The following PDE4D variants were observed in gnomAD, a reference collection of about 807,000 sequenced individuals.
The protein encoded by PDE4D is 3',5'-cyclic-AMP phosphodiesterase 4D.
In PDE4D, 24 loss-of-function variants were observed where a neutral mutation model predicts 87.4. That is an observed-to-expected ratio of 0.27 (90% CI 0.20 to 0.39). The LOEUF (loss-of-function observed/expected upper bound fraction) is 0.39, where lower values mean the gene tolerates loss of function less well. Among genes scored for constraint, PDE4D ranks in the 10% least tolerant of loss-of-function variants. PDE4D has a pLI of 1.00. For missense variants in PDE4D, 714 were observed against 1,041.0 expected, an observed-to-expected ratio of 0.69 and a Z score of 4.32; for synonymous variants, 384 against 383.2, an observed-to-expected ratio of 1.00 and a Z score of -0.02.
At chr5:59,079,869 G>GGAGAGGAGAGGAGGGGAGAT (rs1766403532) in intron 5 of PDE4D, among the ~76,000 whole-genome samples, 1 of 144,994 alleles carries the variant, frequency 6.9e-6, no homozygotes, top group Admixed American at 6.9e-5. Context: ...GGAGAGGAGA[G>GGAGAGGAGAGGAGGGGAGAT]GAGAGGAGAG....
intron 1 of PDE4D, among the ~76,000 whole-genome samples, chr5:59,879,089 A>G (rs1478020581): frequency 6.6e-6 from 1 of 151,098 alleles, no homozygotes; most frequent in Non-Finnish European, 1.5e-5. Context: ...TTTAGTAGAG[A>G]CGGGGTTTCA....
intron 3 of PDE4D, among the ~76,000 whole-genome samples, chr5:59,192,808 G>C (rs1424332317): frequency 1.6e-4 from 24 of 152,274 alleles, no homozygotes. Flanking sequence ...AACAAATACA[G>C]ATGCTTGTAA....
chr5:60,515,601 C>CTTTCTTTTTTT (rs1750761192), intron 1 of PDE4D, among the ~76,000 whole-genome samples: 1 of 106,824 alleles, frequency 9.4e-6, no homozygotes, highest in Non-Finnish European at 2.0e-5. Flanking sequence ...TTTTCTTTTT[C>CTTTCTTTTTTT]TTTTTTTTTT....
At chr5:60,160,390 A>G (rs1020210398) in intron 2 of PDE4D, among the ~76,000 whole-genome samples, 1 of 152,096 alleles carries the variant, frequency 6.6e-6, no homozygotes, top group Admixed American at 6.5e-5. Context: ...CCTATTTTGT[A>G]GTCCTCTGAA....
chr5:59,813,810 T>C (rs1033290475), intron 1 of PDE4D, among the ~76,000 whole-genome samples: 11 of 152,206 alleles, frequency 7.2e-5, no homozygotes, highest in Non-Finnish European at 1.6e-4. Flanking sequence ...TTCTTACCAG[T>C]CTCAACTCAG....
At chr5:59,249,673 A>G (rs1437307603) in intron 1 of PDE4D, among the ~76,000 whole-genome samples, 2 of 152,200 alleles carry the variant, frequency 1.3e-5, no homozygotes, top group Non-Finnish European at 2.9e-5. Flanking sequence ...AAAATGCTAA[A>G]TTAAAAAAAG....
chr5:59,953,017 C>T (rs539087468), intron 3 of PDE4D, among the ~76,000 whole-genome samples: 1 of 152,242 alleles, frequency 6.6e-6, no homozygotes, highest in Admixed American at 6.5e-5. Context: ...AAAACTAATA[C>T]ATCCCCTTAA....
intron 1 of PDE4D, among the ~76,000 whole-genome samples, chr5:60,399,183 G>C (rs536898255): frequency 1.3e-5 from 2 of 152,262 alleles, no homozygotes; most frequent in Non-Finnish European, 2.9e-5. Context: ...TTCTTGGGGT[G>C]GGGGTGTGAC....
intron 1 of PDE4D, among the ~76,000 whole-genome samples, chr5:60,304,643 C>T (rs1410243763): frequency 8.2e-5 from 9 of 110,372 alleles, no homozygotes; most frequent in South Asian, 2.9e-4. Context: ...CAGAGCGAGA[C>T]TCCGTCTCAA....
chr5:60,393,935 C>A (rs1762716874), intron 1 of PDE4D, among the ~76,000 whole-genome samples: 2 of 152,134 alleles, frequency 1.3e-5, no homozygotes, highest in Non-Finnish European at 2.9e-5. Context: ...GAATGTTTTC[C>A]TGAGTTATAT....
At chr5:60,427,008 T>C (rs1279385545) in intron 1 of PDE4D, among the ~76,000 whole-genome samples, 1 of 152,036 alleles carries the variant, frequency 6.6e-6, no homozygotes, top group African/African-American at 2.4e-5. Flanking sequence ...TTATTTAATC[T>C]TAGAAAGGAA....
chr5:59,507,695 A>G (rs1386945609), intron 1 of PDE4D, among the ~76,000 whole-genome samples: 1 of 149,968 alleles, frequency 6.7e-6, no homozygotes, highest in Non-Finnish European at 1.5e-5. Context: ...AAAAGAAAAG[A>G]AAAAAGAAAG....
rs141658329 is a variant in PDE4D, at chr5:59,151,023, G to T, written c.808+29572C>A. ...GACACCATATTTACTACAAGCAAAA[G>T]AAGAAGTTTCAGGTGCCTAGAACTG... On this transcript the variant is annotated intron_variant, in intron 5 of 14. Transcript: ENST00000340635. Among the ~76,000 whole-genome samples the T allele has an allele frequency of 3.3e-5, 5 of 151,674 alleles. No individual in the cohort carries two copies. The East Asian group carries it at 9.6e-4, about 29-fold the overall frequency.
At chr5:59,532,707 C>T (rs1814463150) in intron 1 of PDE4D, among the ~76,000 whole-genome samples, 2 of 152,224 alleles carry the variant, frequency 1.3e-5, no homozygotes, top group Admixed American at 6.5e-5. Context: ...GTTCACTCCT[C>T]AGACTTTCAG....
At chr5:60,442,180 G>A (rs1739200401) in intron 1 of PDE4D, among the ~76,000 whole-genome samples, 1 of 152,022 alleles carries the variant, frequency 6.6e-6, no homozygotes. Context: ...GCAAAGACTT[G>A]GAACCAACCC....
rs10640783 is a variant in PDE4D, at chr5:59,685,724, AT to A, written c.455+207443del. Reference sequence around the variant, plus strand: ...CATTTTATCTAATTAAAAATAACAGATTTTTTTTTTCTGCCAAAGATTTGAA... The same window carrying A: ...CATTTTATCTAATTAAAAATAACAGATTTTTTTTTCTGCCAAAGATTTGAA... On this transcript the variant is annotated intron_variant, in intron 1 of 14. Coordinates refer to ENST00000340635, the MANE Select transcript of PDE4D (RefSeq NM_001104631.2). Among the ~76,000 whole-genome samples the A allele has an allele frequency of 1.6e-3, 238 of 150,740 alleles. 2 individuals are homozygous for A. Among genetic ancestry groups the A allele is most frequent in the Middle Eastern group, 0.01 (3 of 292 alleles).
At chr5:59,060,693 G>C (rs896988866) in intron 5 of PDE4D, among the ~76,000 whole-genome samples, 5 of 152,072 alleles carry the variant, frequency 3.3e-5, no homozygotes, top group Non-Finnish European at 5.9e-5. Flanking sequence ...CATAGGCCAG[G>C]CTGAGACTTG....
At chr5:59,987,022 C>T (rs1043800949) in intron 3 of PDE4D, 2 of 152,198 alleles carry the variant, frequency 1.3e-5, no homozygotes, top group Non-Finnish European at 2.9e-5. Context: ...GTTCCATCTA[C>T]CTTTCCCTTT....
chr5:59,482,875 TG>T (rs1804510914), intron 1 of PDE4D, among the ~76,000 whole-genome samples: 1 of 152,174 alleles, frequency 6.6e-6, no homozygotes, highest in South Asian at 2.1e-4. Context: ...TCAATTTGAC[TG>T]GGTCACTGGG....
Sources: gnomAD v4.1 joint callset for allele counts (sites outside exome capture counted in the v4.1 genomes callset) on GRCh38, gnomAD v4.1.1 for gene constraint, MANE v1.5 for transcripts, NCBI Gene and HGNC (gene_info 2026-07-23, HGNC 2026-07-21) for gene names.